Variants in PPP1R1C observed in about 807,000 individuals in gnomAD.
PPP1R1C encodes protein phosphatase 1 regulatory subunit 1C.
A neutral mutation model predicts 17.4 loss-of-function variants in PPP1R1C; 15 were observed. That is an observed-to-expected ratio of 0.86 (90% CI 0.58 to 1.33). PPP1R1C has a LOEUF of 1.33. Ranked by LOEUF, PPP1R1C falls within the 40% of genes most tolerant of loss-of-function variation. The pLI is 0.00. For missense variants in PPP1R1C, 143 were observed against 130.0 expected (o/e 1.10, Z -0.48); for synonymous variants, 35 against 43.1 (o/e 0.81, Z 0.73).
At chr2:182,097,211 G>C (rs1241884423) in intron 4 of PPP1R1C, among the ~76,000 whole-genome samples, 3 of 152,236 alleles carry the variant, frequency 2.0e-5, no homozygotes, top group Non-Finnish European at 4.4e-5. Context: ...TTCTGGAGGA[G>C]GTTTTTCATT....
At chr2:181,986,671 T>A (rs1574353381) in intron 1 of PPP1R1C, among the ~76,000 whole-genome samples, 2 of 152,228 alleles carry the variant, frequency 1.3e-5, no homozygotes, top group Non-Finnish European at 2.9e-5. Context: ...ACAATGATTA[T>A]AAGTTTATAT....
intron 2 of PPP1R1C, among the ~76,000 whole-genome samples, chr2:182,041,609 CAAAAAAA>C (rs71405472): frequency 2.4e-4 from 14 of 58,476 alleles, no homozygotes; most frequent in East Asian, 5.4e-4. Context: ...GACTCTGTCT[CAAAAAAA>C]AAAAAAAAAA....
rs1053151412 is a variant in PPP1R1C, at chr2:182,086,188, C to A, written c.241+22397C>A. On this transcript the variant is annotated intron_variant, in intron 4 of 4. Coordinates refer to ENST00000682840, the MANE Select transcript of PPP1R1C (RefSeq NM_001080545.3). ...GAAAAGAAGTAGAAAAAAATGTTAT[C>A]ATCATTATATCAAGAGCTGTCACAA... is the stretch of plus-strand genomic sequence containing the variant. 5.3e-5 allele frequency among the ~76,000 whole-genome samples: 8 copies of A among 152,066 alleles called. No homozygotes were observed. In the South Asian group the frequency reaches 8.3e-4, roughly 16 times the overall value.
Position 181,967,155 on chromosome 2 carries a change from T to C in PPP1R1C, n.112-8064T>C, listed in dbSNP as rs897051176. ...GTGTTATTTGTTGTAATGTCTTCTT[T>C]TTTGTCTCTGATTTTATTTATTTGA... is the stretch of plus-strand genomic sequence containing the variant. On this transcript the variant is annotated intron_variant and non_coding_transcript_variant, in intron 1 of 5. Transcript: ENST00000464264. The surrounding 1 kb of genome is among the most constrained non-coding windows in gnomAD (Gnocchi z 5.5). 1.3e-5 allele frequency among the ~76,000 whole-genome samples: 2 copies of C among 152,168 alleles called. No homozygotes were observed. The highest frequency in any genetic ancestry group is 4.8e-5 in the African/African-American group (2 of 41,460).
intron 2 of PPP1R1C, among the ~76,000 whole-genome samples, chr2:182,004,958 A>G (rs1229864171): frequency 6.6e-6 from 1 of 152,202 alleles, no homozygotes; most frequent in Non-Finnish European, 1.5e-5. Context: ...TGAATTCAGA[A>G]TGGAACCCAT....
At chr2:182,026,324 C>T (rs1446594402) in intron 2 of PPP1R1C, among the ~76,000 whole-genome samples, 6 of 140,052 alleles carry the variant, frequency 4.3e-5, no homozygotes, top group East Asian at 2.0e-4. Context: ...GTTTTCTTCT[C>T]GGGTTTTTAT....
At chr2:182,020,589 G>GT (rs1686391268) in intron 2 of PPP1R1C, among the ~76,000 whole-genome samples, 1 of 152,158 alleles carries the variant, frequency 6.6e-6, no homozygotes, top group Admixed American at 6.5e-5. Context: ...TCAACATGAA[G>GT]TTTCTTCTAA....
chr2:182,086,415 G>A (rs1574440341), intron 4 of PPP1R1C, among the ~76,000 whole-genome samples: 1 of 152,186 alleles, frequency 6.6e-6, no homozygotes, highest in Middle Eastern at 3.4e-3. Context: ...TGTGGGAAAA[G>A]ATACACTCAT....
chr2:181,993,352 G>C (rs1420186432), intron 2 of PPP1R1C, among the ~76,000 whole-genome samples: 1 of 152,080 alleles, frequency 6.6e-6, no homozygotes, highest in Non-Finnish European at 1.5e-5. Context: ...ATACTGAGAA[G>C]TTTCTGGGGA....
At chr2:182,105,067 A>G (rs1438130083) in intron 4 of PPP1R1C, among the ~76,000 whole-genome samples, 2 of 152,192 alleles carry the variant, frequency 1.3e-5, no homozygotes, top group South Asian at 2.1e-4. Flanking sequence ...ATTGTAAAAA[A>G]AAATGAGGGG....
intron 4 of PPP1R1C, among the ~76,000 whole-genome samples, chr2:182,109,398 G>A (rs535435775): frequency 4.6e-5 from 7 of 152,154 alleles, no homozygotes; most frequent in African/African-American, 1.4e-4. Flanking sequence ...CTTTGGTGTT[G>A]AACCTAAAAA....
At chr2:181,971,243 C>T (rs1217929077) in intron 1 of PPP1R1C, among the ~76,000 whole-genome samples, 1 of 152,206 alleles carries the variant, frequency 6.6e-6, no homozygotes, top group South Asian at 2.1e-4. Flanking sequence ...CTGCCTATCA[C>T]TGCTGATTAT....
intron 2 of PPP1R1C, among the ~76,000 whole-genome samples, chr2:182,043,807 C>T (rs1314820832): frequency 6.6e-6 from 1 of 152,126 alleles, no homozygotes; most frequent in East Asian, 1.9e-4. Context: ...CACCGTCTTC[C>T]TGGGCATTCT....
At chr2:181,974,976 A>T in intron 1 of PPP1R1C, among the ~76,000 whole-genome samples, 1 of 152,202 alleles carries the variant, frequency 6.6e-6, no homozygotes. Flanking sequence ...GATACCTGCA[A>T]AATAAATGAA....
intron 4 of PPP1R1C, among the ~76,000 whole-genome samples, chr2:182,081,673 A>G (rs1379623970): frequency 6.6e-6 from 1 of 152,226 alleles, no homozygotes; most frequent in African/African-American, 2.4e-5. Flanking sequence ...TTTTGTAAAA[A>G]AAAAGTATTG....
At chr2:181,983,910 A>G (rs1369861367), upstream of PPP1R1C, among the ~76,000 whole-genome samples, 1 of 152,210 alleles carries the variant, frequency 6.6e-6, no homozygotes. Context: ...ATAAAAAACA[A>G]GAAGCTTAAA....
At chr2:182,108,570 C>T (rs990792916) in intron 4 of PPP1R1C, among the ~76,000 whole-genome samples, 1 of 152,118 alleles carries the variant, frequency 6.6e-6, no homozygotes, top group Non-Finnish European at 1.5e-5. Context: ...CACATAATAA[C>T]CATATATTCA....
chr2:182,075,976 TA>T (rs905939989), intron 4 of PPP1R1C, among the ~76,000 whole-genome samples: 70 of 152,010 alleles, frequency 4.6e-4, no homozygotes, highest in Middle Eastern at 3.4e-3. Context: ...GTGGCAAAAA[TA>T]AAAAAATTAA....
intron 2 of PPP1R1C, among the ~76,000 whole-genome samples, chr2:182,031,190 GGAGCTGTAGACC>G (rs1284566261): frequency 1.3e-5 from 2 of 152,204 alleles, no homozygotes; most frequent in African/African-American, 2.4e-5. Flanking sequence ...GCTCACGCTG[GGAGCTGTAGACC>G]GGAGCTGTTC....
Sources: allele counts gnomAD v4.1 joint callset (sites outside exome capture counted in the v4.1 genomes callset), GRCh38; gene constraint gnomAD v4.1.1; non-coding constraint Gnocchi (gnomAD v3.1); transcripts MANE v1.5; gene names NCBI Gene and HGNC (gene_info 2026-07-23, HGNC 2026-07-21).